Variants in SYT13 observed in about 807,000 individuals in gnomAD.
The protein encoded by SYT13 is synaptotagmin 13.
A neutral mutation model predicts 38.6 loss-of-function variants in SYT13; 21 were observed. The ratio of observed to expected loss-of-function variants is 0.54; its 90% CI spans 0.39 to 0.78. The LOEUF is 0.78. SYT13 is among the 30% of genes least tolerant of loss of function. The pLI, the probability that SYT13 is intolerant of heterozygous loss-of-function variation, is 0.00. For missense variants in SYT13, 495 were observed against 548.7 expected, an observed-to-expected ratio of 0.90 and a Z score of 0.98; for synonymous variants, 241 against 237.6, an observed-to-expected ratio of 1.01 and a Z score of -0.13.
rs781159327 is a variant in SYT13 at position 45,286,229 on chromosome 11, G to A, written c.-22C>T. 1.3e-6 allele frequency: 2 copies of A among 1,519,086 alleles called. No homozygotes were observed. The highest frequency in any genetic ancestry group is 1.4e-5 in the African/African-American group (1 of 72,366). 94.1% of individuals were successfully genotyped at this position (1,519,086 alleles called of 1,614,324 possible). ...CCATGGTGCCCGCTCCCGGCGAGGGGCTGGGTCCCGCAGCCGCTCACCTTC... is the reference window on the plus strand; with the variant it reads ...CCATGGTGCCCGCTCCCGGCGAGGGACTGGGTCCCGCAGCCGCTCACCTTC... On this transcript the variant is annotated 5_prime_UTR_variant, in exon 1 of 6. Transcript: ENST00000020926.
chr11:45,279,674 T>C lies in SYT13; in HGVS notation c.183+6351A>G, dbSNP rs540629373. Among the ~76,000 whole-genome samples, 5 of 152,322 alleles carry C rather than the reference T, an allele frequency of 3.3e-5. No individual in the cohort carries two copies. In the East Asian group the frequency reaches 9.6e-4, roughly 29 times the overall value. On this transcript the variant is annotated intron_variant, in intron 1 of 5. Coordinates refer to ENST00000020926, the MANE Select transcript of SYT13 (RefSeq NM_020826.3). ...TAAATGTTAGCTATTCTATCACTAT[T>C]ATTTATTACTGTATGGAAATACTTC...
At chr11:45,256,488 G>A (rs1261950339) in intron 1 of SYT13, among the ~76,000 whole-genome samples, 1 of 151,992 alleles carries the variant, frequency 6.6e-6, no homozygotes, top group Admixed American at 6.6e-5. Flanking sequence ...TTTTTGCATG[G>A]CTGGCTCCAT....
intron 2 of SYT13, 34 bp from the exon 3 acceptor site, chr11:45,254,438 A>C: frequency 2.5e-6 from 4 of 1,600,620 alleles, no homozygotes; most frequent in Non-Finnish European, 3.4e-6. Context: ...ACTGCCACCC[A>C]CACTGGGGTT....
chr11:45,267,477 G>A (rs1317105873), intron 1 of SYT13, among the ~76,000 whole-genome samples: 1 of 152,138 alleles, frequency 6.6e-6, no homozygotes, highest in Admixed American at 6.5e-5. Context: ...CCCCCCAGAG[G>A]TTTGACTTGG....
Position 45,253,661 on chromosome 11 carries a change from G to A in SYT13, c.544+609C>T, listed in dbSNP as rs112725382. On this transcript the variant is annotated intron_variant, in intron 3 of 5. Transcript: ENST00000020926. Reference sequence around the variant, plus strand: ...AAGGACATCCTGCCACCCTCAGGCCGCTTGGCTCTTAGATTGTAGAAACTT... The same window carrying A: ...AAGGACATCCTGCCACCCTCAGGCCACTTGGCTCTTAGATTGTAGAAACTT... Among the ~76,000 whole-genome samples, 83 of 152,254 alleles carry A rather than the reference G, an allele frequency of 5.5e-4. 2 individuals are homozygous for A. The South Asian group carries it at 6.8e-3, about 13-fold the overall frequency.
intron 1 of SYT13, among the ~76,000 whole-genome samples, chr11:45,264,381 C>CA (rs769134112): frequency 6.6e-6 from 1 of 152,036 alleles, no homozygotes; most frequent in Non-Finnish European, 1.5e-5. Context: ...ATTAGATTAC[C>CA]AAAAAAATGA....
chr11:45,254,553 C>T, intron 2 of SYT13, 149 bp from the exon 3 acceptor site: 1 of 1,107,704 alleles, frequency 9.0e-7, no homozygotes, highest in East Asian at 2.7e-5. Flanking sequence ...ACCAAGACAA[C>T]AGGTGGGGTC....
At chr11:45,245,355 CAGAG>C (rs1434396368) in intron 5 of SYT13, among the ~76,000 whole-genome samples, 1 of 152,148 alleles carries the variant, frequency 6.6e-6, no homozygotes, top group Non-Finnish European at 1.5e-5. Context: ...GTTATTTCTA[CAGAG>C]AGAGTTGAGA....
intron 1 of SYT13, among the ~76,000 whole-genome samples, chr11:45,262,848 G>GA (rs995500703): frequency 2.3e-4 from 35 of 151,778 alleles, no homozygotes; most frequent in African/African-American, 8.2e-4. Context: ...AAAAAAGAGA[G>GA]AAAAAACCCC....
rs756867762 is a variant in SYT13 at position 45,252,523 on chromosome 11, G to A, written c.744C>T (p.Arg248=). The A allele has an allele frequency of 6.2e-7, 1 of 1,614,082 alleles. No homozygotes were observed. Among genetic ancestry groups the A allele is most frequent in the South Asian group, 1.1e-5 (1 of 91,080 alleles). ...CCCCGGCCACGCTGTGACGGGAGAA[G>A]CGGTCGCAGGTCCTCAAGGTCAGCG... is the stretch of plus-strand genomic sequence containing the variant. ...TLTLTLRTCD[R]FSRHSVAGEL... Residue 248 remains arginine (R), a synonymous_variant, in exon 4 of 6, where the codon CGC becomes CGT. Transcript: ENST00000020926. This position sits in a 1 kb window ranked among gnomAD's most constrained non-coding sequence, Gnocchi z 4.3.
At chr11:45,282,969 G>A (rs1023832606) in intron 1 of SYT13, among the ~76,000 whole-genome samples, 3 of 152,010 alleles carry the variant, frequency 2.0e-5, no homozygotes, top group Admixed American at 6.6e-5. Flanking sequence ...GCAACATGGT[G>A]AGCCTTGTCT....
intron 1 of SYT13, among the ~76,000 whole-genome samples, chr11:45,275,422 T>C (rs1565395506): frequency 1.3e-5 from 2 of 152,178 alleles, no homozygotes; most frequent in African/African-American, 2.4e-5. Context: ...CTCCCCCTCA[T>C]TATTTGACTC....
chr11:45,286,061 C>T lies in SYT13; in HGVS notation c.147G>A (p.Glu49=). ...ACCCGAGCAAGCTGGGCTTCGCCTTCTCCAGGTCGGGGTCCTGGTCCCGCG... is the reference window on the plus strand; with the variant it reads ...ACCCGAGCAAGCTGGGCTTCGCCTTTTCCAGGTCGGGGTCCTGGTCCCGCG... ...LLPRDQDPDL[E]KAKPSLLGSA... Residue 49 remains glutamate (E), a synonymous_variant, in exon 1 of 6, where the codon GAG becomes GAA. Transcript: ENST00000020926. 6.2e-7 allele frequency: 1 copy of T among 1,609,840 alleles called. No homozygotes were observed. Among genetic ancestry groups the T allele is most frequent in the Non-Finnish European group, 8.5e-7 (1 of 1,179,600 alleles).
intron 1 of SYT13, among the ~76,000 whole-genome samples, chr11:45,257,683 T>C (rs1034524354): frequency 6.6e-6 from 1 of 152,252 alleles, no homozygotes; most frequent in African/African-American, 2.4e-5. Context: ...CATTCTGCCC[T>C]GGTTGAGACT....
In SYT13 at chr11:45,283,790, C is replaced by G. The variant is rs140080698; in HGVS notation, c.183+2235G>C. On this transcript the variant is annotated intron_variant, in intron 1 of 5. Coordinates refer to ENST00000020926, the MANE Select transcript of SYT13 (RefSeq NM_020826.3). The stretch of plus-strand genomic sequence containing the variant: ...CACCAGTATTTGAAGATGATAATCC[C>G]CATTGGATGACCCCTGAGATGACTT... Among the ~76,000 whole-genome samples the G allele has an allele frequency of 9.8e-4, 149 of 152,276 alleles. 1 individual carries two copies. Among genetic ancestry groups the G allele is most frequent in the Middle Eastern group, 3.4e-3 (1 of 294 alleles).
rs1854696721 is a variant in SYT13 at position 45,252,868 on chromosome 11, A to G, written c.545-146T>C. 1 of 731,258 alleles carries G rather than the reference A, an allele frequency of 1.4e-6. No homozygotes were observed. Among genetic ancestry groups the G allele is most frequent in the African/African-American group, 1.8e-5 (1 of 56,810 alleles). 45.3% of individuals were successfully genotyped at this position (731,258 alleles called of 1,614,324 possible). On this transcript the variant is annotated intron_variant, in intron 3 of 5. Coordinates refer to ENST00000020926, the MANE Select transcript of SYT13 (RefSeq NM_020826.3). This position sits in a 1 kb window ranked among gnomAD's most constrained non-coding sequence, Gnocchi z 4.3. ...GGCTGACCACCCTGGGCACCAGGGA[A>G]TCGCCTTTCAGTGAGACATTTAGAA...
At chr11:45,257,334 C>T (rs1020933613) in intron 1 of SYT13, among the ~76,000 whole-genome samples, 9 of 152,120 alleles carry the variant, frequency 5.9e-5, no homozygotes, top group Non-Finnish European at 8.8e-5. Flanking sequence ...GCTTAAACTG[C>T]TGGCACTCTG....
At chr11:45,245,175 G>T (rs1190367364) in intron 5 of SYT13, among the ~76,000 whole-genome samples, 1 of 152,222 alleles carries the variant, frequency 6.6e-6, no homozygotes, top group Non-Finnish European at 1.5e-5. Context: ...CCAGGGCACT[G>T]CACCAAGAGA....
In SYT13 at chr11:45,286,146, A is replaced by C; in HGVS notation, c.62T>G (p.Leu21Arg). The change falls in exon 1 of 6, where the codon CTC becomes CGC. Residue 21 changes from leucine to arginine, a missense_variant. Leu to Arg is a moderately radical substitution (Grantham distance 102). Transcript: ENST00000020926. Reference protein sequence around the residue: ...GATLGTATSILALCGVTCLCR... With the variant: ...GATLGTATSIRALCGVTCLCR... ...CAGGCAGGTGACCCCGCACAACGCG[A>C]GGATGCTGGTGGCTGTGCCCAGCGT... is the stretch of plus-strand genomic sequence containing the variant. 6.3e-7 allele frequency: 1 copy of C among 1,594,160 alleles called. No homozygotes were observed. Among genetic ancestry groups the C allele is most frequent in the South Asian group, 1.1e-5 (1 of 87,662 alleles).
Sources: gnomAD v4.1 joint callset for allele counts (sites outside exome capture counted in the v4.1 genomes callset) on GRCh38, gnomAD v4.1.1 for gene constraint, Gnocchi (gnomAD v3.1) non-coding constraint, MANE v1.5 for transcripts, NCBI Gene and HGNC (gene_info 2026-07-23, HGNC 2026-07-21) for gene names.